The following RAPGEF1 variants were observed in gnomAD, a reference collection of about 807,000 sequenced individuals.
RAPGEF1 encodes CRK SH3-binding GNRP.
RAPGEF1 carries 33 observed loss-of-function variants against 143.3 expected under a neutral mutation model. The ratio of observed to expected loss-of-function variants is 0.23; its 90% CI spans 0.17 to 0.31. The LOEUF (loss-of-function observed/expected upper bound fraction) is 0.31, where lower values mean the gene tolerates loss of function less well. Among genes scored for constraint, RAPGEF1 ranks in the 10% least tolerant of loss-of-function variants. The probability of loss-of-function intolerance (pLI) is 1.00; values close to 1 mark genes in which losing one functional copy is unlikely to be tolerated. For synonymous variants in RAPGEF1, 629 were observed against 676.5 expected, an observed-to-expected ratio of 0.93 and a Z score of 1.09; for missense variants, 1,199 against 1,645.4, an observed-to-expected ratio of 0.73 and a Z score of 4.69.
intron 1 of RAPGEF1, among the ~76,000 whole-genome samples, chr9:131,688,674 G>A (rs1299868245): frequency 2.0e-5 from 3 of 152,114 alleles, no homozygotes; most frequent in Non-Finnish European, 2.9e-5. Context: ...GCTCACCCCT[G>A]TAATCCCAAC....
intron 12 of RAPGEF1, among the ~76,000 whole-genome samples, chr9:131,614,431 A>C (rs1588456992): frequency 2.6e-5 from 4 of 151,490 alleles, no homozygotes; most frequent in South Asian, 2.1e-4. Context: ...TTCTCTCTCT[A>C]TCTCTCCCCT....
chr9:131,709,718 C>G, intron 1 of RAPGEF1: 1 of 1,613,582 alleles, frequency 6.2e-7, no homozygotes, highest in Non-Finnish European at 8.5e-7. Context: ...CTTCCCAGCC[C>G]CAGCGTCTTT....
chr9:131,609,346 C>A (rs1390712481), intron 12 of RAPGEF1, among the ~76,000 whole-genome samples: 1 of 152,180 alleles, frequency 6.6e-6, no homozygotes, highest in African/African-American at 2.4e-5. Context: ...AATAACACAG[C>A]TGGCAAGAGG....
intron 25 of RAPGEF1, 49 bp downstream of exon 25, chr9:131,582,556 T>C (rs370861015): frequency 1.5e-6 from 2 of 1,340,026 alleles, no homozygotes; most frequent in Non-Finnish European, 2.0e-6. Flanking sequence ...CCCAGAGCAA[T>C]GGAGGCAAAC....
intron 1 of RAPGEF1, among the ~76,000 whole-genome samples, chr9:131,682,687 G>GA (rs1833016041): frequency 6.6e-6 from 1 of 152,154 alleles, no homozygotes; most frequent in Admixed American, 6.5e-5. Flanking sequence ...GGGGAAAAGT[G>GA]AAATTAAATG....
chr9:131,688,042 A>T (rs984407703), intron 1 of RAPGEF1, among the ~76,000 whole-genome samples: 1 of 152,170 alleles, frequency 6.6e-6, no homozygotes, highest in East Asian at 1.9e-4. Context: ...TTAGGAGCCC[A>T]AGTACCCAAG....
chr9:131,590,550 G>A (rs975479836), intron 18 of RAPGEF1, among the ~76,000 whole-genome samples: 2 of 152,334 alleles, frequency 1.3e-5, no homozygotes, highest in African/African-American at 2.4e-5. Context: ...TCAAGCACCC[G>A]ATCAGCTCTA....
intron 1 of RAPGEF1, among the ~76,000 whole-genome samples, chr9:131,689,463 T>C (rs1183788872): frequency 1.3e-5 from 2 of 152,260 alleles, no homozygotes; most frequent in African/African-American, 4.8e-5. Context: ...CATGACTAAA[T>C]TAGGTGAATG....
At position 131,587,683 on chromosome 9, in the gene RAPGEF1, C is replaced by T. The variant is rs1429348522; in HGVS notation, c.3233+53G>A. On this transcript the variant is annotated intron_variant, in intron 22 of 26. Transcript: ENST00000683357. ...CCTGCAAAGGAAAACGCAGAGCCCA[C>T]CCAGACGTGCCACCATCCAGAGCAA... The T allele has an allele frequency of 2.0e-5, 31 of 1,541,010 alleles. No individual in the cohort carries two copies. In the African/African-American group the frequency reaches 4.0e-4, roughly 20 times the overall value.
At chr9:131,658,028 T>C (rs1972990889) in intron 1 of RAPGEF1, among the ~76,000 whole-genome samples, 1 of 152,238 alleles carries the variant, frequency 6.6e-6, no homozygotes, top group Non-Finnish European at 1.5e-5. Context: ...TAATCCCAGC[T>C]TTATTTATCT....
chr9:131,682,887 T>G (rs1833033930), intron 1 of RAPGEF1, among the ~76,000 whole-genome samples: 1 of 152,180 alleles, frequency 6.6e-6, no homozygotes, highest in Non-Finnish European at 1.5e-5. Context: ...TTCAACCCGC[T>G]CAATGTAACA....
At chr9:131,635,999 T>C (rs4474069) in intron 5 of RAPGEF1, among the ~76,000 whole-genome samples, 131,391 of 152,222 alleles carry the variant, frequency 0.86, 56,901 homozygotes, top group African/African-American at 0.92. Flanking sequence ...GACTCCAGCA[T>C]GAAAAGCTCC....
intron 5 of RAPGEF1, among the ~76,000 whole-genome samples, chr9:131,631,660 C>T (rs1588610986): frequency 2.0e-5 from 3 of 152,242 alleles, no homozygotes; most frequent in Admixed American, 1.3e-4. Flanking sequence ...CCAGCGGCTG[C>T]CAAGCCTCTC....
rs201940435 is a variant in RAPGEF1, at chr9:131,626,334, C to A, written c.1290G>T (p.Pro430=). 105 of 1,613,976 alleles carry A rather than the reference C, an allele frequency of 6.5e-5. 1 individual carries two copies. The Admixed American group carries it at 9.7e-4, about 15-fold the overall frequency. ...IPQQTAWNLS[P]LPESLGESGS... is the part of the protein sequence containing the mutation. ...CAGACTCCCCCAAAGACTCTGGCAA[C>A]GGGCTAAGGTTCCAGGCCGTCTGCT... The change falls in exon 10 of 27, where the codon CCG becomes CCT. Residue 430 remains proline (P), a synonymous_variant. Coordinates refer to ENST00000683357, the MANE Select transcript of RAPGEF1 (RefSeq NM_001377935.1).
chr9:131,587,777 G>A lies in RAPGEF1; in HGVS notation c.3192C>T (p.Asn1064=), dbSNP rs781324811. ...TGAAGTGCTCCGTGAACTGGGTCAA[G>A]TTGGGGCTCTTCTCCTCATTCTGCT... ...AKEQNEEKSP[N]LTQFTEHFNN... is the part of the protein sequence containing the mutation. Residue 1064 remains asparagine, a synonymous_variant, in exon 22 of 27, where the codon AAC becomes AAT. Coordinates refer to ENST00000683357, the MANE Select transcript of RAPGEF1 (RefSeq NM_001377935.1). 2.5e-6 allele frequency: 4 copies of A among 1,613,734 alleles called. No homozygotes were observed. Among genetic ancestry groups the A allele is most frequent in the Non-Finnish European group, 3.4e-6 (4 of 1,179,862 alleles).
chr9:131,671,383 T>A (rs1409373133), intron 1 of RAPGEF1, among the ~76,000 whole-genome samples: 4 of 152,160 alleles, frequency 2.6e-5, no homozygotes, highest in Non-Finnish European at 5.9e-5. Flanking sequence ...AAGTCAGTTG[T>A]TGGAATCAGA....
At chr9:131,654,064 T>C (rs753631281) in intron 1 of RAPGEF1, among the ~76,000 whole-genome samples, 10 of 152,216 alleles carry the variant, frequency 6.6e-5, no homozygotes, top group Non-Finnish European at 1.0e-4. Context: ...ATTTGAAATG[T>C]CCAGAATAGG....
chr9:131,582,837 C>T (rs967562517), intron 24 of RAPGEF1, 135 bp from the exon 25 acceptor site: 2 of 680,258 alleles, frequency 2.9e-6, no homozygotes. Flanking sequence ...CCACTACGCA[C>T]AAACACCCAG....
chr9:131,656,359 G>A (rs1032244078), intron 1 of RAPGEF1, among the ~76,000 whole-genome samples: 9 of 152,138 alleles, frequency 5.9e-5, no homozygotes, highest in African/African-American at 2.2e-4. Flanking sequence ...TCCTATTGCT[G>A]TCCCTACTCC....
Sources: allele counts gnomAD v4.1 joint callset (sites outside exome capture counted in the v4.1 genomes callset), GRCh38; gene constraint gnomAD v4.1.1; transcripts MANE v1.5; gene names NCBI Gene and HGNC (gene_info 2026-07-23, HGNC 2026-07-21).